CNTNAP2: variants seen among roughly 807,000 people sequenced by gnomAD.
The protein encoded by CNTNAP2 is contactin associated protein 2, also known as contactin-associated protein-like 2.
Under a neutral mutation model 155.2 loss-of-function variants are expected in CNTNAP2, and 98 were observed. That is an observed-to-expected ratio of 0.63 (90% CI 0.54 to 0.75). The LOEUF (loss-of-function observed/expected upper bound fraction) is 0.75. CNTNAP2 is among the 30% of genes least tolerant of loss of function. The pLI is 0.00. For synonymous variants in CNTNAP2, 651 were observed against 631.2 expected (o/e 1.03, Z -0.47); for missense variants, 1,727 against 1,688.1 (o/e 1.02, Z -0.40).
rs886062052 is a variant in CNTNAP2, at chr7:147,485,997, G to A, written c.1733G>A (p.Cys578Tyr). The part of the protein sequence containing the change: ...KCSQTWDSFK[C>Y]TCDETGYSGA... ...TCGCAAACATGGGACAGCTTCAAAT[G>A]CACTTGTGATGAGACAGGATACAGT... The change falls in exon 11 of 24, where the codon TGC (cysteine) becomes TAC (tyrosine). Residue 578 changes from cysteine (C) to tyrosine (Y), a missense_variant. By Grantham distance (194) the Cys-to-Tyr change is radical. Coordinates refer to ENST00000361727, the MANE Select transcript of CNTNAP2 (RefSeq NM_014141.6). 1 of 1,614,088 alleles carries A rather than the reference G, an allele frequency of 6.2e-7. No individual in the cohort carries two copies. Among genetic ancestry groups the A allele is most frequent in the African/African-American group, 1.3e-5 (1 of 75,022 alleles).
intron 1 of CNTNAP2, among the ~76,000 whole-genome samples, chr7:146,222,970 A>T (rs1026012818): frequency 1.3e-5 from 2 of 151,960 alleles, no homozygotes; most frequent in African/African-American, 4.8e-5. Flanking sequence ...GGAAAAGGTA[A>T]ATTTTTTAAG....
chr7:146,455,353 T>C (rs1006863821), intron 1 of CNTNAP2, among the ~76,000 whole-genome samples: 8 of 152,222 alleles, frequency 5.3e-5, no homozygotes, highest in African/African-American at 1.9e-4. Context: ...TGTATCCTTG[T>C]ATCTGCCATC....
intron 21 of CNTNAP2, among the ~76,000 whole-genome samples, chr7:148,328,851 C>T (rs2116551878): frequency 1.3e-5 from 2 of 152,034 alleles, no homozygotes; most frequent in South Asian, 4.2e-4. Flanking sequence ...TGGCGCACAC[C>T]TGTAATCCCA....
At chr7:146,915,310 C>T (rs577111257) in intron 3 of CNTNAP2, among the ~76,000 whole-genome samples, 51 of 151,964 alleles carry the variant, frequency 3.4e-4, no homozygotes, top group Non-Finnish European at 5.1e-4. Context: ...TTTCTGATGC[C>T]ATATAAATTT....
chr7:146,173,782 G>A (rs757127709), intron 1 of CNTNAP2, among the ~76,000 whole-genome samples: 9 of 152,174 alleles, frequency 5.9e-5, no homozygotes, highest in Non-Finnish European at 1.0e-4. Context: ...TACTCAGCAT[G>A]TGTTAGTTGA....
chr7:147,769,509 G>T (rs1307998095), intron 13 of CNTNAP2, among the ~76,000 whole-genome samples: 1 of 152,120 alleles, frequency 6.6e-6, no homozygotes, highest in African/African-American at 2.4e-5. Context: ...TTGAAAAGGT[G>T]TTATTCACAA....
At chr7:147,099,182 T>C (rs1800606650) in intron 4 of CNTNAP2, among the ~76,000 whole-genome samples, 1 of 152,114 alleles carries the variant, frequency 6.6e-6, no homozygotes, top group Non-Finnish European at 1.5e-5. Flanking sequence ...CTAGTTGTCT[T>C]GTACCTGATT....
At chr7:146,707,094 T>A (rs1463937865) in intron 1 of CNTNAP2, among the ~76,000 whole-genome samples, 1 of 152,112 alleles carries the variant, frequency 6.6e-6, no homozygotes, top group East Asian at 1.9e-4. Flanking sequence ...ATTCAATCAT[T>A]ATTCTGTACT....
chr7:147,814,763 T>A (rs1798239278), intron 13 of CNTNAP2, among the ~76,000 whole-genome samples: 1 of 152,212 alleles, frequency 6.6e-6, no homozygotes, highest in South Asian at 2.1e-4. Flanking sequence ...CAAATTTGAA[T>A]ATACATGTTC....
intron 11 of CNTNAP2, among the ~76,000 whole-genome samples, chr7:147,535,165 G>T (rs1769907679): frequency 6.6e-6 from 1 of 152,194 alleles, no homozygotes; most frequent in Non-Finnish European, 1.5e-5. Flanking sequence ...GGCCGAGGCG[G>T]ATGGATCACC....
intron 1 of CNTNAP2, among the ~76,000 whole-genome samples, chr7:146,355,996 AC>A (rs1210463002): frequency 4.0e-5 from 6 of 151,856 alleles, no homozygotes; most frequent in Non-Finnish European, 8.8e-5. Context: ...AAGAAAAACA[AC>A]CCTCTTCAGC....
intron 1 of CNTNAP2, among the ~76,000 whole-genome samples, chr7:146,222,419 A>G (rs1486917574): frequency 6.6e-5 from 10 of 152,162 alleles, no homozygotes; most frequent in African/African-American, 1.2e-4. Flanking sequence ...GAGAAAATCA[A>G]TGGTCAGATA....
intron 8 of CNTNAP2, among the ~76,000 whole-genome samples, chr7:147,269,895 T>C (rs2116702447): frequency 6.6e-6 from 1 of 152,118 alleles, no homozygotes; most frequent in Non-Finnish European, 1.5e-5. Context: ...CTCTAAAAAA[T>C]ATTTTTAAAT....
chr7:146,720,976 GACTATATAT>G (rs1179474463), intron 1 of CNTNAP2, among the ~76,000 whole-genome samples: 2 of 100,386 alleles, frequency 2.0e-5, no homozygotes, highest in Non-Finnish European at 3.7e-5. Context: ...TATATATATA[GACTATATAT>G]ACTGTATATA....
intron 15 of CNTNAP2, among the ~76,000 whole-genome samples, chr7:148,051,863 G>A (rs1265875756): frequency 2.0e-5 from 3 of 152,062 alleles, no homozygotes; most frequent in Non-Finnish European, 2.9e-5. Flanking sequence ...CTTGTGGCTG[G>A]GCACAGTGGC....
At chr7:148,360,993 G>T (rs1191542142) in intron 21 of CNTNAP2, among the ~76,000 whole-genome samples, 2 of 151,962 alleles carry the variant, frequency 1.3e-5, no homozygotes, top group African/African-American at 4.8e-5. Context: ...ATTTTTAGTA[G>T]AGACGGGGTT....
At chr7:147,685,177 G>C (rs367871876) in intron 13 of CNTNAP2, among the ~76,000 whole-genome samples, 1 of 152,070 alleles carries the variant, frequency 6.6e-6, no homozygotes, top group Middle Eastern at 3.4e-3. Flanking sequence ...CTTTAAAACA[G>C]AACTATTTGA....
chr7:146,224,099 A>C (rs1479380357), intron 1 of CNTNAP2, among the ~76,000 whole-genome samples: 2 of 152,158 alleles, frequency 1.3e-5, no homozygotes, highest in Non-Finnish European at 2.9e-5. Flanking sequence ...TTTTTTCTGT[A>C]AATGTATTTA....
At chr7:146,662,884 C>T (rs182609481) in intron 1 of CNTNAP2, among the ~76,000 whole-genome samples, 1 of 152,176 alleles carries the variant, frequency 6.6e-6, no homozygotes, top group Admixed American at 6.5e-5. Context: ...CTTATATTTG[C>T]GAGTCTGTAT....
Sources: allele counts gnomAD v4.1 joint callset (sites outside exome capture counted in the v4.1 genomes callset), GRCh38; gene constraint gnomAD v4.1.1; transcripts MANE v1.5; gene names NCBI Gene and HGNC (gene_info 2026-07-23, HGNC 2026-07-21).